DCPH1: variants seen among roughly 807,000 people sequenced by gnomAD.
DCPH1 encodes damage control phosphatase 1.
the DCPH1 span, among the ~76,000 whole-genome samples, chr6:151,467,960 A>T: frequency 3.1e-3 from 472 of 152,326 alleles, 4 homozygotes; most frequent in Non-Finnish European, 2.4e-3. Context: ...AGGAGGAAAA[A>T]ATAAACTTTT....
At chr6:151,452,604 C>A in the DCPH1 span, 1 of 1,600,100 alleles carries the variant, frequency 6.2e-7, no homozygotes, top group Non-Finnish European at 8.5e-7. Context: ...TAGCTTTTCT[C>A]CTCCCCACTT....
At chr6:151,452,689 C>A in the DCPH1 span, 1 of 1,213,936 alleles carries the variant, frequency 8.2e-7, no homozygotes, top group Non-Finnish European at 1.1e-6. Flanking sequence ...GGGCTGCGTT[C>A]GAGTCCCGCC....
chr6:151,460,666 C>A, the DCPH1 span, among the ~76,000 whole-genome samples: 5 of 151,700 alleles, frequency 3.3e-5, no homozygotes, highest in Non-Finnish European at 5.9e-5. Context: ...CACCTGTAGT[C>A]CCAGCTACTC....
At chr6:151,463,071 G>A in the DCPH1 span, among the ~76,000 whole-genome samples, 3 of 152,154 alleles carry the variant, frequency 2.0e-5, no homozygotes, top group Admixed American at 6.5e-5. Context: ...TGAATTTCAT[G>A]TGTTACAAAA....
At chr6:151,467,776 TA>T in the DCPH1 span, among the ~76,000 whole-genome samples, 1 of 152,204 alleles carries the variant, frequency 6.6e-6, no homozygotes, top group East Asian at 1.9e-4. Flanking sequence ...CTGAATAAGA[TA>T]ATTGATTACA....
the DCPH1 span, chr6:151,470,016 A>C: frequency 1.2e-4 from 18 of 152,328 alleles, no homozygotes; most frequent in Admixed American, 7.8e-4. Context: ...TAAAAATTTC[A>C]GGTCAGTTTG....
chr6:151,464,393 A>G, the DCPH1 span: 11 of 1,208,794 alleles, frequency 9.1e-6, no homozygotes, highest in East Asian at 2.6e-4. Flanking sequence ...TTCTTTCAAG[A>G]ACTGCAGTTA....
the DCPH1 span, among the ~76,000 whole-genome samples, chr6:151,468,116 G>A: frequency 6.6e-6 from 1 of 152,110 alleles, no homozygotes; most frequent in African/African-American, 2.4e-5. Context: ...GTTTTTTTAA[G>A]TCCATTACAT....
chr6:151,461,755 A>G, the DCPH1 span, among the ~76,000 whole-genome samples: 1 of 152,214 alleles, frequency 6.6e-6, no homozygotes, highest in Admixed American at 6.5e-5. Context: ...CCTGGGTATC[A>G]GTTTTTCTTT....
chr6:151,466,778 C>T, the DCPH1 span, among the ~76,000 whole-genome samples: 64 of 152,210 alleles, frequency 4.2e-4, no homozygotes, highest in Admixed American at 2.0e-3. Flanking sequence ...AACTGGAAGA[C>T]GGTGTGAAGG....
the DCPH1 span, chr6:151,452,616 T>G: frequency 6.3e-7 from 1 of 1,595,518 alleles, no homozygotes. Flanking sequence ...TCCCCACTTT[T>G]GCGGAAAGCC....
chr6:151,452,652 C>A, the DCPH1 span: 2 of 1,498,526 alleles, frequency 1.3e-6, no homozygotes, highest in Non-Finnish European at 1.8e-6. Context: ...CCTGTGGGGA[C>A]TAAGCGGAGG....
the DCPH1 span, chr6:151,469,038 G>A: frequency 1.9e-6 from 3 of 1,613,948 alleles, no homozygotes; most frequent in South Asian, 2.2e-5. Context: ...AAGGGGAACA[G>A]CTCCTGGCCT....
At chr6:151,453,878 C>G in the DCPH1 span, among the ~76,000 whole-genome samples, 1 of 152,122 alleles carries the variant, frequency 6.6e-6, no homozygotes, top group Non-Finnish European at 1.5e-5. Context: ...TTTTCTTCAT[C>G]TCCAGCTTGC....
chr6:151,465,600 T>G, the DCPH1 span, among the ~76,000 whole-genome samples: 73 of 152,222 alleles, frequency 4.8e-4, no homozygotes, highest in Non-Finnish European at 1.0e-3. Flanking sequence ...TTACTAAAAG[T>G]GAAACAGAAG....
At chr6:151,469,341 T>G in the DCPH1 span, 9 of 396,100 alleles carry the variant, frequency 2.3e-5, no homozygotes, top group South Asian at 8.6e-4. Flanking sequence ...ACATTTATAT[T>G]GGAATTTTAG....
chr6:151,468,359 A>G, the DCPH1 span: 8 of 1,549,066 alleles, frequency 5.2e-6, no homozygotes, highest in East Asian at 4.5e-5. Flanking sequence ...CTGTGGGGAA[A>G]TAAGTGTGAT....
chr6:151,452,507 T>C, the DCPH1 span: 58 of 1,609,722 alleles, frequency 3.6e-5, no homozygotes, highest in Admixed American at 9.1e-4. Flanking sequence ...TCTGCGGCGA[T>C]TGAACAGCCG....
At chr6:151,465,109 G>T in the DCPH1 span, among the ~76,000 whole-genome samples, 3 of 152,176 alleles carry the variant, frequency 2.0e-5, no homozygotes, top group Non-Finnish European at 4.4e-5. Context: ...ACAGAGCCTG[G>T]GATACAGCCT....
Sources: gnomAD v4.1 joint callset for allele counts (sites outside exome capture counted in the v4.1 genomes callset) on GRCh38, gnomAD v4.1.1 for gene constraint, MANE v1.5 for transcripts, NCBI Gene and HGNC (gene_info 2026-07-23, HGNC 2026-07-21) for gene names.